The following NRXN3 variants were observed in gnomAD, a reference collection of about 807,000 sequenced individuals.
The protein encoded by NRXN3 is neurexin 3.
NRXN3 carries 32 observed loss-of-function variants against 137.6 expected under a neutral mutation model. That is an observed-to-expected ratio of 0.23 (90% CI 0.18 to 0.31). NRXN3 has a LOEUF of 0.31. Ranked by LOEUF, NRXN3 falls within the 10% of genes least tolerant of loss-of-function variation. NRXN3 has a pLI of 1.00. For synonymous variants in NRXN3, 798 were observed against 784.5 expected (o/e 1.02, Z -0.29); for missense variants, 1,574 against 2,062.5 (o/e 0.76, Z 4.59).
intron 16 of NRXN3, among the ~76,000 whole-genome samples, chr14:79,628,119 TAGAA>T (rs1335586900): frequency 2.0e-5 from 3 of 152,194 alleles, no homozygotes; most frequent in Admixed American, 6.5e-5. Flanking sequence ...ATTCTTGAAA[TAGAA>T]AGGCACTTTT....
intron 15 of NRXN3, chr14:79,201,090 T>G (rs989121937): frequency 6.6e-6 from 1 of 152,140 alleles, no homozygotes; most frequent in African/African-American, 2.4e-5. Flanking sequence ...AAATTTATAT[T>G]GAAGCCACTG....
chr14:79,467,173 G>A (rs766069049), intron 15 of NRXN3, 48 bp from the exon 16 acceptor site: 16 of 1,537,422 alleles, frequency 1.0e-5, no homozygotes, highest in Non-Finnish European at 1.2e-5. Flanking sequence ...ACAGCTGGCT[G>A]TATGCAATGT....
chr14:79,345,415 C>T (rs1405314844), intron 15 of NRXN3, among the ~76,000 whole-genome samples: 1 of 152,060 alleles, frequency 6.6e-6, no homozygotes, highest in East Asian at 1.9e-4. Context: ...TGTGGGGTCA[C>T]CAGAAACCTC....
At chr14:79,338,442 T>C (rs911757258) in intron 15 of NRXN3, among the ~76,000 whole-genome samples, 6 of 152,108 alleles carry the variant, frequency 3.9e-5, no homozygotes, top group Non-Finnish European at 5.9e-5. Context: ...TTCCCTCCAG[T>C]GTACTTAGTA....
intron 16 of NRXN3, among the ~76,000 whole-genome samples, chr14:79,525,817 T>A (rs1036742386): frequency 2.0e-5 from 3 of 152,226 alleles, no homozygotes; most frequent in African/African-American, 7.2e-5. Context: ...GTTAACAGAC[T>A]ACAGTTGGCA....
At chr14:79,525,538 G>A (rs571091665) in intron 16 of NRXN3, among the ~76,000 whole-genome samples, 3 of 152,270 alleles carry the variant, frequency 2.0e-5, no homozygotes, top group East Asian at 1.9e-4. Flanking sequence ...TAAAATAAAT[G>A]CAGTCACAAC....
At chr14:78,173,228 C>T (rs1038862052) in intron 1 of NRXN3, among the ~76,000 whole-genome samples, 1 of 151,932 alleles carries the variant, frequency 6.6e-6, no homozygotes, top group African/African-American at 2.4e-5. Flanking sequence ...TCTGCACCCC[C>T]CTTTCTCTCG....
intron 6 of NRXN3, among the ~76,000 whole-genome samples, chr14:78,707,958 C>T (rs903780935): frequency 1.3e-5 from 2 of 151,992 alleles, no homozygotes; most frequent in Non-Finnish European, 2.9e-5. Context: ...GATTGATGAA[C>T]GTTTGGGTTG....
intron 15 of NRXN3, among the ~76,000 whole-genome samples, chr14:79,282,925 C>T (rs2081523406): frequency 1.3e-5 from 2 of 152,242 alleles, no homozygotes; most frequent in South Asian, 4.1e-4. Flanking sequence ...TCAAGAGAAG[C>T]AGCAATCAAC....
intron 15 of NRXN3, among the ~76,000 whole-genome samples, chr14:79,109,455 GT>G (rs1306954069): frequency 6.6e-6 from 1 of 152,164 alleles, no homozygotes; most frequent in Non-Finnish European, 1.5e-5. Flanking sequence ...AGGCAGAAAA[GT>G]TTAAAAACTT....
At chr14:78,557,018 C>T (rs534679806) in intron 4 of NRXN3, among the ~76,000 whole-genome samples, 39 of 128,112 alleles carry the variant, frequency 3.0e-4, no homozygotes, top group African/African-American at 1.1e-3. Flanking sequence ...TTCCCTCTCT[C>T]CTCCCCTCCC....
At chr14:79,024,664 T>A (rs2099595247) in intron 15 of NRXN3, among the ~76,000 whole-genome samples, 1 of 152,172 alleles carries the variant, frequency 6.6e-6, no homozygotes, top group Non-Finnish European at 1.5e-5. Context: ...ATGATAATGA[T>A]GGCCTTTCAG....
At chr14:78,247,619 T>G (rs563909052) in intron 2 of NRXN3, among the ~76,000 whole-genome samples, 2 of 152,290 alleles carry the variant, frequency 1.3e-5, no homozygotes, top group Non-Finnish European at 2.9e-5. Flanking sequence ...ATATCTTGTT[T>G]GGAATATAGT....
chr14:79,561,949 A>G (rs984666588), intron 16 of NRXN3, among the ~76,000 whole-genome samples: 9 of 152,202 alleles, frequency 5.9e-5, no homozygotes, highest in Admixed American at 2.6e-4. Context: ...ATTCATCTGC[A>G]TAAATTAGTT....
intron 10 of NRXN3, among the ~76,000 whole-genome samples, chr14:78,900,063 A>T (rs894518073): frequency 1.3e-5 from 2 of 152,018 alleles, no homozygotes; most frequent in African/African-American, 4.8e-5. Context: ...TTGATGAGAT[A>T]TATAATCTTT....
At chr14:79,064,805 G>GTC in intron 15 of NRXN3, among the ~76,000 whole-genome samples, 1 of 125,326 alleles carries the variant, frequency 8.0e-6, no homozygotes, top group Middle Eastern at 4.2e-3. Flanking sequence ...CCATATATAT[G>GTC]TGTGTGTGTG....
At chr14:78,251,535 T>C (rs1325261954) in intron 2 of NRXN3, among the ~76,000 whole-genome samples, 2 of 152,208 alleles carry the variant, frequency 1.3e-5, no homozygotes, top group Non-Finnish European at 2.9e-5. Context: ...GACAGCAATG[T>C]TGCTCTGGGT....
At chr14:78,723,314 T>G (rs2098468611) in intron 8 of NRXN3, among the ~76,000 whole-genome samples, 1 of 151,984 alleles carries the variant, frequency 6.6e-6, no homozygotes, top group Non-Finnish European at 1.5e-5. Context: ...AGAGTGGAGG[T>G]CGAGTTTTCG....
chr14:78,559,797 G>A (rs1392192782), intron 4 of NRXN3, among the ~76,000 whole-genome samples: 1 of 152,242 alleles, frequency 6.6e-6, no homozygotes, highest in Admixed American at 6.5e-5. Flanking sequence ...TCTTAGATGG[G>A]ATGCTGATTG....
Sources: allele counts gnomAD v4.1 joint callset (sites outside exome capture counted in the v4.1 genomes callset), GRCh38; gene constraint gnomAD v4.1.1; transcripts MANE v1.5; gene names NCBI Gene and HGNC (gene_info 2026-07-23, HGNC 2026-07-21).